Variants in PTPN9 observed in about 807,000 individuals in gnomAD.
The protein encoded by PTPN9 is tyrosine-protein phosphatase non-receptor type 9.
Under a neutral mutation model 69.8 loss-of-function variants are expected in PTPN9, and 26 were observed. The observed-to-expected ratio is 0.37, with a 90% CI of 0.27 to 0.52. The LOEUF (loss-of-function observed/expected upper bound fraction) is 0.52, where lower values mean the gene tolerates loss of function less well. Among genes scored for constraint, PTPN9 ranks in the 20% least tolerant of loss-of-function variants. PTPN9 has a pLI of 0.91. For missense variants in PTPN9, 549 were observed against 740.3 expected (o/e 0.74, Z 3.00); for synonymous variants, 274 against 272.5 (o/e 1.01, Z -0.05).
intron 7 of PTPN9, among the ~76,000 whole-genome samples, chr15:75,504,230 G>A (rs1237600601): frequency 7.3e-5 from 9 of 123,832 alleles, no homozygotes; most frequent in East Asian, 2.6e-4. Context: ...CCCCCCGCCC[G>A]GCCAGCCGCC....
At chr15:75,566,525 T>C (rs983024862) in intron 1 of PTPN9, among the ~76,000 whole-genome samples, 2 of 151,894 alleles carry the variant, frequency 1.3e-5, no homozygotes, top group Non-Finnish European at 2.9e-5. Context: ...CTACTAAAAA[T>C]TTAAAAATTA....
intron 5 of PTPN9, among the ~76,000 whole-genome samples, chr15:75,510,637 A>G (rs941601814): frequency 6.6e-6 from 1 of 151,704 alleles, no homozygotes; most frequent in Admixed American, 6.6e-5. Flanking sequence ...TGTCAGAAAA[A>G]GTACTTTTTT....
intron 8 of PTPN9, among the ~76,000 whole-genome samples, chr15:75,488,659 TG>T (rs1567476149): frequency 2.6e-5 from 4 of 152,016 alleles, no homozygotes; most frequent in Non-Finnish European, 4.4e-5. Flanking sequence ...CCATGTGTAA[TG>T]GCGTGTGCCT....
chr15:75,573,373 A>G (rs148752359), intron 1 of PTPN9, among the ~76,000 whole-genome samples: 1 of 152,230 alleles, frequency 6.6e-6, no homozygotes, highest in Non-Finnish European at 1.5e-5. Context: ...CAAAAACATC[A>G]TATTTGTCCT....
chr15:75,539,018 AAAAGAAAGAAAG>A (rs140854456), intron 1 of PTPN9, among the ~76,000 whole-genome samples: 263 of 152,156 alleles, frequency 1.7e-3, no homozygotes, highest in African/African-American at 6.1e-3. Context: ...AAAAAAATAA[AAAAGAAAGAAAG>A]AAAGAAAGAA....
chr15:75,540,682 A>T (rs926331749), intron 1 of PTPN9, among the ~76,000 whole-genome samples: 1 of 151,932 alleles, frequency 6.6e-6, no homozygotes, highest in African/African-American at 2.4e-5. Flanking sequence ...CTGCTAGGTG[A>T]GGTGACACAT....
chr15:75,514,884 A>G, intron 5 of PTPN9, among the ~76,000 whole-genome samples: 1 of 152,216 alleles, frequency 6.6e-6, no homozygotes, highest in South Asian at 2.1e-4. Flanking sequence ...GAAAAAAATT[A>G]AGAAGTCTGA....
intron 1 of PTPN9, among the ~76,000 whole-genome samples, chr15:75,573,584 A>T (rs2075158535): frequency 6.6e-6 from 1 of 152,228 alleles, no homozygotes; most frequent in South Asian, 2.1e-4. Flanking sequence ...GAAAAAAATC[A>T]AAATATGTAA....
intron 1 of PTPN9, among the ~76,000 whole-genome samples, chr15:75,530,626 TATA>T (rs1274675412): frequency 1.3e-5 from 1 of 76,418 alleles, no homozygotes; most frequent in Non-Finnish European, 2.2e-5. Context: ...TATATATTAT[TATA>T]TTATAATATA....
chr15:75,574,287 CAA>C (rs1374351542), intron 1 of PTPN9, among the ~76,000 whole-genome samples: 14 of 58,462 alleles, frequency 2.4e-4, no homozygotes, highest in Admixed American at 4.0e-4. Context: ...CCTGTCTCCA[CAA>C]AAAAAAAAAA....
At chr15:75,496,010 A>G (rs959204684) in intron 7 of PTPN9, among the ~76,000 whole-genome samples, 1 of 151,140 alleles carries the variant, frequency 6.6e-6, no homozygotes, top group South Asian at 2.1e-4. Flanking sequence ...GTGGTGAAGC[A>G]TGCCTGTGGT....
In PTPN9 at chr15:75,512,078, C is replaced by T. The variant is rs569717374; in HGVS notation, c.529-3051G>A. ...CAGGCTGGTCTCGAACTCCTGGCCT[C>T]AAGTGATCCGCCCATCTTGGCCTTT... On this transcript the variant is annotated intron_variant, in intron 5 of 12. Transcript: ENST00000618819. Among the ~76,000 whole-genome samples, 29 of 152,160 alleles carry T rather than the reference C, an allele frequency of 1.9e-4. No individual in the cohort carries two copies. The South Asian group carries it at 2.5e-3, about 13-fold the overall frequency.
intron 3 of PTPN9, among the ~76,000 whole-genome samples, 198 bp from the exon 4 acceptor site, chr15:75,523,443 C>T (rs2074913842): frequency 6.6e-6 from 1 of 152,024 alleles, no homozygotes; most frequent in South Asian, 2.1e-4. Context: ...CTCCCTGGAC[C>T]ATATTTCTGT....
At chr15:75,502,786 G>A (rs549603110) in intron 7 of PTPN9, among the ~76,000 whole-genome samples, 2 of 152,202 alleles carry the variant, frequency 1.3e-5, no homozygotes, top group African/African-American at 4.8e-5. Context: ...CTCACACTGA[G>A]TACTGGAATA....
Position 75,475,747 on chromosome 15 carries a change from C to G in PTPN9, c.1130-1980G>C, listed in dbSNP as rs116699675. ...TGCTAAGTCTTTTAGCAAGCACTAACATGATACTGGAATACCCTCTCTGCA... is the reference window on the plus strand; with the variant it reads ...TGCTAAGTCTTTTAGCAAGCACTAAGATGATACTGGAATACCCTCTCTGCA... On this transcript the variant is annotated intron_variant, in intron 9 of 12. Coordinates refer to ENST00000618819, the MANE Select transcript of PTPN9 (RefSeq NM_002833.4). 3.4e-3 allele frequency among the ~76,000 whole-genome samples: 517 copies of G among 152,284 alleles called. 4 individuals carry two copies. Among genetic ancestry groups the G allele is most frequent in the African/African-American group, 0.012 (502 of 41,554 alleles).
intron 9 of PTPN9, among the ~76,000 whole-genome samples, chr15:75,477,617 T>C (rs934316232): frequency 1.3e-5 from 2 of 152,050 alleles, no homozygotes; most frequent in Non-Finnish European, 2.9e-5. Flanking sequence ...ATTAATTAAT[T>C]AAAAATAAAG....
chr15:75,523,943 G>A (rs547231480), intron 3 of PTPN9, among the ~76,000 whole-genome samples: 1 of 152,036 alleles, frequency 6.6e-6, no homozygotes, highest in East Asian at 1.9e-4. Flanking sequence ...AAGGTATATA[G>A]GAACAAAGTC....
intron 1 of PTPN9, among the ~76,000 whole-genome samples, chr15:75,569,877 A>C (rs2141345153): frequency 6.6e-6 from 1 of 151,900 alleles, no homozygotes; most frequent in South Asian, 2.1e-4. Context: ...GCTGGAGGGC[A>C]GTGGCGCGAT....
At chr15:75,540,885 C>T (rs1939718813) in intron 1 of PTPN9, among the ~76,000 whole-genome samples, 1 of 151,682 alleles carries the variant, frequency 6.6e-6, no homozygotes, top group African/African-American at 2.4e-5. Context: ...TGAGACCAGC[C>T]TGGGCAACAC....
Sources: gnomAD v4.1 joint callset for allele counts (sites outside exome capture counted in the v4.1 genomes callset) on GRCh38, gnomAD v4.1.1 for gene constraint, MANE v1.5 for transcripts, NCBI Gene and HGNC (gene_info 2026-07-23, HGNC 2026-07-21) for gene names.